TMEM232: variants seen among roughly 807,000 people sequenced by gnomAD.
TMEM232 encodes the protein transmembrane protein 232.
A neutral mutation model predicts 78.8 loss-of-function variants in TMEM232; 80 were observed. The observed-to-expected ratio is 1.01, with a 90% CI of 0.85 to 1.22. The LOEUF is 1.22. Ranked by LOEUF, TMEM232 falls within the 50% of genes most tolerant of loss-of-function variation. The pLI is 0.00. For missense variants in TMEM232, 881 were observed against 742.2 expected (o/e 1.19, Z -2.17); for synonymous variants, 297 against 254.3 (o/e 1.17, Z -1.60).
At chr5:110,721,100 C>G (rs191430321) in intron 1 of TMEM232, among the ~76,000 whole-genome samples, 1 of 151,916 alleles carries the variant, frequency 6.6e-6, no homozygotes, top group Non-Finnish European at 1.5e-5. Flanking sequence ...AAAAGTTATT[C>G]CCGGTAAAGT....
At chr5:110,545,572 C>T (rs1489929260) in intron 11 of TMEM232, among the ~76,000 whole-genome samples, 2 of 151,844 alleles carry the variant, frequency 1.3e-5, no homozygotes, top group Non-Finnish European at 1.5e-5. Context: ...AAAAGTAAAG[C>T]CACATGTGGA....
At chr5:110,620,032 A>G (rs1186714080) in intron 7 of TMEM232, among the ~76,000 whole-genome samples, 1 of 152,196 alleles carries the variant, frequency 6.6e-6, no homozygotes, top group Non-Finnish European at 1.5e-5. Flanking sequence ...TAAACTATTC[A>G]ATTAGGTCAA....
At chr5:110,422,169 G>T (rs1756708909) in intron 13 of TMEM232, among the ~76,000 whole-genome samples, 1 of 152,092 alleles carries the variant, frequency 6.6e-6, no homozygotes, top group African/African-American at 2.4e-5. Context: ...GTATAATAAT[G>T]ACAGTATCTA....
intron 2 of TMEM232, among the ~76,000 whole-genome samples, chr5:110,649,603 C>T (rs774446727): frequency 3.3e-5 from 5 of 152,066 alleles, no homozygotes; most frequent in Admixed American, 1.3e-4. Context: ...CACATCCTCA[C>T]CAGAATGATA....
At chr5:110,508,998 G>A (rs201699811) in intron 12 of TMEM232, among the ~76,000 whole-genome samples, 1 of 123,478 alleles carries the variant, frequency 8.1e-6, no homozygotes, top group Admixed American at 8.0e-5. Flanking sequence ...GTGTATATAT[G>A]TATATATATA....
At chr5:110,484,108 C>T (rs1301128531) in intron 12 of TMEM232, among the ~76,000 whole-genome samples, 1 of 151,990 alleles carries the variant, frequency 6.6e-6, no homozygotes, top group Admixed American at 6.6e-5. Context: ...GGGAGCTAAA[C>T]ATTAAGTACA....
chr5:110,572,752 G>A (rs1777104021), intron 10 of TMEM232, among the ~76,000 whole-genome samples: 2 of 152,026 alleles, frequency 1.3e-5, no homozygotes. Flanking sequence ...TTGAAGTGCT[G>A]CTGATGAATA....
intron 1 of TMEM232, among the ~76,000 whole-genome samples, chr5:110,674,093 GT>G (rs1179443286): frequency 6.6e-6 from 1 of 150,670 alleles, no homozygotes; most frequent in East Asian, 1.9e-4. Flanking sequence ...ATTTTTACAT[GT>G]TATTTTGCAA....
At chr5:110,623,407 AT>A (rs1360038614) in intron 7 of TMEM232, among the ~76,000 whole-genome samples, 2 of 152,224 alleles carry the variant, frequency 1.3e-5, no homozygotes, top group African/African-American at 4.8e-5. Flanking sequence ...TTTTAGCTTT[AT>A]CAAATGATAA....
intron 12 of TMEM232, among the ~76,000 whole-genome samples, chr5:110,472,229 G>A (rs538078836): frequency 8.6e-5 from 13 of 151,634 alleles, no homozygotes; most frequent in Middle Eastern, 3.4e-3. Flanking sequence ...TAAAAAATTG[G>A]TAGCATTTTT....
chr5:110,551,458 C>A (rs143802187), intron 11 of TMEM232, among the ~76,000 whole-genome samples: 2 of 151,022 alleles, frequency 1.3e-5, no homozygotes, highest in African/African-American at 4.9e-5. Flanking sequence ...CTCCTGACCT[C>A]GTGATCCACC....
intron 2 of TMEM232, among the ~76,000 whole-genome samples, chr5:110,664,318 T>C (rs1790261907): frequency 6.6e-6 from 1 of 152,190 alleles, no homozygotes; most frequent in South Asian, 2.1e-4. Flanking sequence ...ATTACCAATA[T>C]GGATTAAAGT....
intron 5 of TMEM232, among the ~76,000 whole-genome samples, chr5:110,631,136 A>G (rs890887877): frequency 6.6e-6 from 1 of 152,152 alleles, no homozygotes; most frequent in Admixed American, 6.5e-5. Flanking sequence ...ACAGTGGCAC[A>G]GCATTGCTGG....
intron 11 of TMEM232, among the ~76,000 whole-genome samples, chr5:110,545,586 G>A (rs1773670045): frequency 6.6e-6 from 1 of 151,976 alleles, no homozygotes; most frequent in Non-Finnish European, 1.5e-5. Flanking sequence ...ATGTGGAGAA[G>A]GAGAGAAATA....
chr5:110,709,816 T>A (rs191346577), intron 1 of TMEM232, among the ~76,000 whole-genome samples: 17 of 151,970 alleles, frequency 1.1e-4, no homozygotes, highest in African/African-American at 2.4e-4. Context: ...TAATGATGCA[T>A]CTTAAAGAAC....
At chr5:110,545,480 T>C (rs1279580047) in intron 11 of TMEM232, among the ~76,000 whole-genome samples, 1 of 152,070 alleles carries the variant, frequency 6.6e-6, no homozygotes, top group African/African-American at 2.4e-5. Flanking sequence ...ATTTGCTACA[T>C]TGGCATTCTA....
chr5:110,554,301 C>T (rs1003705999), intron 11 of TMEM232, among the ~76,000 whole-genome samples: 1 of 152,150 alleles, frequency 6.6e-6, no homozygotes, highest in Non-Finnish European at 1.5e-5. Context: ...CTACATCTTT[C>T]TCCTGTGCTG....
At chr5:110,636,033 A>G (rs973424515) in intron 5 of TMEM232, among the ~76,000 whole-genome samples, 5 of 152,038 alleles carry the variant, frequency 3.3e-5, no homozygotes, top group East Asian at 1.9e-4. Flanking sequence ...TTAATGGGTG[A>G]TTAGATAAAG....
At chr5:110,705,577 C>A (rs1483334893) in intron 1 of TMEM232, among the ~76,000 whole-genome samples, 1 of 151,806 alleles carries the variant, frequency 6.6e-6, no homozygotes, top group Non-Finnish European at 1.5e-5. Flanking sequence ...AAGCAGAGTA[C>A]CTCTAAAACA....
Sources: gnomAD v4.1 joint callset for allele counts (sites outside exome capture counted in the v4.1 genomes callset) on GRCh38, gnomAD v4.1.1 for gene constraint, MANE v1.5 for transcripts, NCBI Gene and HGNC (gene_info 2026-07-23, HGNC 2026-07-21) for gene names.